Variants in PLEKHA6 observed in about 807,000 individuals in gnomAD.
PLEKHA6 encodes the protein pleckstrin homology domain-containing family A member 6.
In PLEKHA6, 60 loss-of-function variants were observed where a neutral mutation model predicts 116.7. The ratio of observed to expected loss-of-function variants is 0.51; its 90% CI spans 0.42 to 0.64. PLEKHA6 has a LOEUF of 0.64. Ranked by LOEUF, PLEKHA6 falls within the 30% of genes least tolerant of loss-of-function variation. The pLI is 0.00. For synonymous variants in PLEKHA6, 489 were observed against 556.1 expected, an observed-to-expected ratio of 0.88 and a Z score of 1.70; for missense variants, 1,338 against 1,422.7, an observed-to-expected ratio of 0.94 and a Z score of 0.96.
In PLEKHA6 at chr1:204,241,396, G is replaced by A; in HGVS notation, c.2388C>T (p.Leu796=). The part of the protein sequence containing the change: ...SAVVRRNASG[L]TNGLSSQERP... The stretch of plus-strand genomic sequence containing the variant: ...CCACCTGGGAGGAGAGTCCATTGGT[G>A]AGCCCACTGGCATTCCTTCTTACCA... Residue 796 remains leucine, a synonymous_variant, in exon 17 of 23, where the codon CTC becomes CTT. Transcript: ENST00000272203. 3.1e-6 allele frequency: 5 copies of A among 1,610,446 alleles called. No individual in the cohort carries two copies. Among genetic ancestry groups the A allele is most frequent in the Non-Finnish European group, 4.2e-6 (5 of 1,177,950 alleles).
At chr1:204,302,905 A>T (rs1439290560) in intron 1 of PLEKHA6, among the ~76,000 whole-genome samples, 2 of 152,072 alleles carry the variant, frequency 1.3e-5, no homozygotes, top group Admixed American at 6.6e-5. Context: ...AAAGAAAAAG[A>T]AAACCACTGC....
intron 17 of PLEKHA6, among the ~76,000 whole-genome samples, chr1:204,234,244 A>C (rs1208892863): frequency 6.6e-6 from 1 of 152,208 alleles, no homozygotes; most frequent in Non-Finnish European, 1.5e-5. Context: ...CTACAACCCA[A>C]GGAATGCCAA....
chr1:204,230,319 T>G, intron 18 of PLEKHA6, 94 bp downstream of exon 18: 2 of 1,068,936 alleles, frequency 1.9e-6, no homozygotes, highest in Non-Finnish European at 2.6e-6. Context: ...CTCCTTCCTC[T>G]CAAACCCCCC....
upstream of PLEKHA6, among the ~76,000 whole-genome samples, chr1:204,362,503 C>G (rs1673580497): frequency 6.6e-6 from 1 of 152,172 alleles, no homozygotes; most frequent in Non-Finnish European, 1.5e-5. Flanking sequence ...TTGGTGGCCA[C>G]TAACTTGACT....
Position 204,261,483 on chromosome 1 carries a change from G to A in PLEKHA6, c.382-35C>T. ...GAGGCAGCGTGTGGAGCTGGCCTCG[G>A]CCTCATCCACCCAGCACACAGTCAC... On this transcript the variant is annotated intron_variant, in intron 6 of 22. Coordinates refer to ENST00000272203, the MANE Select transcript of PLEKHA6 (RefSeq NM_014935.5). This position sits in a 1 kb window ranked among gnomAD's most constrained non-coding sequence, Gnocchi z 4.0. The A allele has an allele frequency of 1.3e-6, 2 of 1,576,608 alleles. No individual in the cohort carries two copies. Among genetic ancestry groups the A allele is most frequent in the East Asian group, 4.5e-5 (2 of 44,484 alleles).
chr1:204,344,274 G>A (rs1672949034), intron 1 of PLEKHA6, among the ~76,000 whole-genome samples: 1 of 152,106 alleles, frequency 6.6e-6, no homozygotes, highest in South Asian at 2.1e-4. Flanking sequence ...ACTCCTCTAA[G>A]CCGGCTGAAA....
At chr1:204,283,988 C>G (rs1211232203) in intron 1 of PLEKHA6, among the ~76,000 whole-genome samples, 2 of 152,192 alleles carry the variant, frequency 1.3e-5, no homozygotes, top group Non-Finnish European at 2.9e-5. Flanking sequence ...AGGCTCACCA[C>G]TGCCTGGAGG....
chr1:204,220,587 TAA>T lies in PLEKHA6; in HGVS notation c.*2199_*2200del, dbSNP rs1659540233. 1 of 152,608 alleles carries T rather than the reference TAA, an allele frequency of 6.6e-6. No individual in the cohort carries two copies. The highest frequency in any genetic ancestry group is 1.5e-5 in the Non-Finnish European group (1 of 68,040). The allele number at this position is 152,608 out of a possible 1,614,324, so 9.5% of individuals were successfully genotyped here. A position where few individuals can be genotyped will look rare whatever the true frequency, so the allele number is the denominator to read the frequency against. Reference sequence around the variant, plus strand: ...AAAGCATAAAATAGATGTCTTAAAATAAGTCTTTCCTCTCCCCTTCTTTGGAT... The same window carrying T: ...AAAGCATAAAATAGATGTCTTAAAATGTCTTTCCTCTCCCCTTCTTTGGAT... On this transcript the variant is annotated 3_prime_UTR_variant, in exon 23 of 23. Coordinates refer to ENST00000272203, the MANE Select transcript of PLEKHA6 (RefSeq NM_014935.5).
intron 1 of PLEKHA6, among the ~76,000 whole-genome samples, chr1:204,288,187 T>C (rs1669388959): frequency 6.6e-6 from 1 of 152,200 alleles, no homozygotes; most frequent in Admixed American, 6.5e-5. Flanking sequence ...TTTCCTTTAA[T>C]ACTCACCAGG....
chr1:204,250,952 G>A (rs746891057), intron 9 of PLEKHA6, among the ~76,000 whole-genome samples: 6 of 152,254 alleles, frequency 3.9e-5, no homozygotes, highest in Non-Finnish European at 8.8e-5. Context: ...TAACCACCAT[G>A]AGAACATCAG....
At position 204,223,253 on chromosome 1, in the gene PLEKHA6, GC is replaced by G. The variant is rs1018107824; in HGVS notation, c.*8+208del. 6.6e-6 allele frequency among the ~76,000 whole-genome samples: 1 copy of G among 152,154 alleles called. No individual in the cohort carries two copies. The highest frequency in any genetic ancestry group is 1.5e-5 in the Non-Finnish European group (1 of 68,030). ...TTGGCATCACAACATCCAAGAAGCG[GC>G]CCTGCCAGCTGGCTCCAGCCCAGCA... On this transcript the variant is annotated intron_variant, in intron 22 of 22. Coordinates refer to ENST00000272203, the MANE Select transcript of PLEKHA6 (RefSeq NM_014935.5). This position sits in a 1 kb window ranked among gnomAD's most constrained non-coding sequence, Gnocchi z 4.8.
chr1:204,267,467 A>G lies in PLEKHA6; in HGVS notation c.280+8T>C. 1.2e-6 allele frequency: 2 copies of G among 1,612,912 alleles called. No individual in the cohort carries two copies. Among genetic ancestry groups the G allele is most frequent in the Non-Finnish European group, 1.7e-6 (2 of 1,178,956 alleles). ...TGCCATCCCTGCCAGTCCAAGGGCC[A>G]AGCTCACCTTTATAGTAGAAGAGGC... On this transcript the variant is annotated splice_region_variant and intron_variant, in intron 5 of 22. Coordinates refer to ENST00000272203, the MANE Select transcript of PLEKHA6 (RefSeq NM_014935.5).
At position 204,273,624 on chromosome 1, in the gene PLEKHA6, A is replaced by G; in HGVS notation, c.102+2T>C. On this transcript the variant is annotated splice_donor_variant, in intron 3 of 22. Transcript: ENST00000272203. LOFTEE classifies it high-confidence loss of function. ...ACAGCTTGCCTTGAGGGCTGGACTT[A>G]CCCGGACGCTGGGCCGCTCTGGAGG... is the stretch of plus-strand genomic sequence containing the variant. 6.2e-7 allele frequency: 1 copy of G among 1,608,280 alleles called. No homozygotes were observed. Among genetic ancestry groups the G allele is most frequent in the Non-Finnish European group, 8.5e-7 (1 of 1,174,684 alleles).
At chr1:204,268,030 T>C (rs1299730773) in intron 4 of PLEKHA6, among the ~76,000 whole-genome samples, 178 bp downstream of exon 4, 2 of 152,096 alleles carry the variant, frequency 1.3e-5, no homozygotes, top group East Asian at 3.9e-4. Context: ...AATTTTTCTG[T>C]GTGATTTTGG....
At chr1:204,274,069 G>A (rs12049556) in intron 2 of PLEKHA6, among the ~76,000 whole-genome samples, 27,040 of 151,944 alleles carry the variant, frequency 0.18, 2,517 homozygotes, top group East Asian at 0.28. Flanking sequence ...GAGTAGATGG[G>A]ACCACAGGCA....
chr1:204,244,755 G>A, intron 15 of PLEKHA6, 109 bp downstream of exon 15: 2 of 798,018 alleles, frequency 2.5e-6, no homozygotes, highest in Non-Finnish European at 3.8e-6. Flanking sequence ...CCAGCACTAG[G>A]GCTGGAGGCC....
intron 1 of PLEKHA6, among the ~76,000 whole-genome samples, chr1:204,276,487 T>C (rs979813396): frequency 6.6e-6 from 1 of 152,142 alleles, no homozygotes; most frequent in Non-Finnish European, 1.5e-5. Flanking sequence ...AAGCAGTCTG[T>C]GGCAACTACG....
chr1:204,248,300 G>A (rs12758056), intron 12 of PLEKHA6, among the ~76,000 whole-genome samples: 30 of 151,956 alleles, frequency 2.0e-4, no homozygotes, highest in African/African-American at 5.1e-4. Context: ...GACTACAGGT[G>A]TGTGCCACCA....
chr1:204,247,431 C>T lies in PLEKHA6; in HGVS notation c.1854G>A (p.Glu618=), dbSNP rs749578459. ...GGGCAGAGACCTCAGACTCGAGGTG[C>T]TCATACTCTATGGTGCTGTTTGTCA... The part of the protein sequence containing the change: ...TALTNSTIEY[E]HLESEVSALH... Residue 618 remains glutamate (E), a synonymous_variant, in exon 13 of 23, where the codon GAG becomes GAA. Coordinates refer to ENST00000272203, the MANE Select transcript of PLEKHA6 (RefSeq NM_014935.5). 3.1e-6 allele frequency: 5 copies of T among 1,613,006 alleles called. No homozygotes were observed. Among genetic ancestry groups the T allele is most frequent in the Admixed American group, 3.3e-5 (2 of 60,022 alleles).
Sources: allele counts gnomAD v4.1 joint callset (sites outside exome capture counted in the v4.1 genomes callset), GRCh38; gene constraint gnomAD v4.1.1; non-coding constraint Gnocchi (gnomAD v3.1); transcripts MANE v1.5; gene names NCBI Gene and HGNC (gene_info 2026-07-23, HGNC 2026-07-21).